Variants in NCAM2 observed in about 807,000 individuals in gnomAD.
The protein encoded by NCAM2 is N-CAM-2.
Under a neutral mutation model 98.1 loss-of-function variants are expected in NCAM2, and 30 were observed. The ratio of observed to expected loss-of-function variants is 0.31; its 90% confidence interval spans 0.23 to 0.41. NCAM2 has a LOEUF of 0.41. Among genes scored for constraint, NCAM2 ranks in the 10% least tolerant of loss-of-function variants. The pLI is 1.00. For missense variants in NCAM2, 867 were observed against 1,005.8 expected (o/e 0.86, Z 1.87); for synonymous variants, 368 against 342.4 (o/e 1.07, Z -0.83).
intron 8 of NCAM2, among the ~76,000 whole-genome samples, chr21:21,364,117 C>T (rs2075724758): frequency 1.3e-5 from 2 of 152,054 alleles, no homozygotes; most frequent in Non-Finnish European, 1.5e-5. Flanking sequence ...TTTTTAGCCA[C>T]TCATCTCTTA....
intron 5 of NCAM2, among the ~76,000 whole-genome samples, chr21:21,315,913 T>C (rs1327015253): frequency 1.3e-5 from 2 of 152,202 alleles, no homozygotes; most frequent in Non-Finnish European, 2.9e-5. Context: ...ATGTCTCGAA[T>C]TAATCCAGAA....
chr21:21,033,569 C>G (rs373501372), intron 1 of NCAM2, among the ~76,000 whole-genome samples: 2 of 151,980 alleles, frequency 1.3e-5, no homozygotes, highest in African/African-American at 2.4e-5. Flanking sequence ...GACCTCCCCC[C>G]CAAAACAATG....
intron 1 of NCAM2, among the ~76,000 whole-genome samples, chr21:21,240,796 ATTTAC>A (rs1187154868): frequency 6.6e-6 from 1 of 152,154 alleles, no homozygotes; most frequent in Non-Finnish European, 1.5e-5. Flanking sequence ...AATTTAGGCA[ATTTAC>A]TTACCTTCTG....
At chr21:21,225,458 G>T (rs888459311) in intron 1 of NCAM2, among the ~76,000 whole-genome samples, 1 of 151,958 alleles carries the variant, frequency 6.6e-6, no homozygotes, top group Non-Finnish European at 1.5e-5. Flanking sequence ...TTTTGAAGGT[G>T]ATGAAATTTA....
intron 10 of NCAM2, among the ~76,000 whole-genome samples, 153 bp from the exon 11 acceptor site, chr21:21,418,320 G>C (rs1031742578): frequency 6.6e-5 from 10 of 151,950 alleles, no homozygotes; most frequent in African/African-American, 2.4e-4. Context: ...ATATTATTTA[G>C]TAATGCTTAC....
At chr21:21,401,016 G>GA (rs1012094749) in intron 9 of NCAM2, among the ~76,000 whole-genome samples, 2 of 151,822 alleles carry the variant, frequency 1.3e-5, no homozygotes, top group Admixed American at 6.6e-5. Flanking sequence ...TTAAAGAAAA[G>GA]AAAAAAAGGC....
intron 2 of NCAM2, among the ~76,000 whole-genome samples, chr21:21,283,276 G>T (rs2072990148): frequency 3.3e-5 from 5 of 151,884 alleles, no homozygotes; most frequent in Admixed American, 2.6e-4. Context: ...CTTCAAAGAG[G>T]TCCTGCAGAT....
intron 5 of NCAM2, among the ~76,000 whole-genome samples, chr21:21,312,917 G>A (rs192876504): frequency 2.6e-3 from 399 of 151,500 alleles, no homozygotes; most frequent in African/African-American, 9.0e-3. Flanking sequence ...AATAATTATA[G>A]GATTGTTTTT....
Position 21,057,985 on chromosome 21 carries a change from C to G in NCAM2, c.55+59367C>G, listed in dbSNP as rs116844215. 4.8e-3 allele frequency among the ~76,000 whole-genome samples: 724 copies of G among 152,124 alleles called. 4 individuals carry two copies. Among genetic ancestry groups the G allele is most frequent in the Non-Finnish European group, 7.8e-3 (529 of 67,972 alleles). On this transcript the variant is annotated intron_variant, in intron 1 of 17. Coordinates refer to ENST00000400546, the MANE Select transcript of NCAM2 (RefSeq NM_004540.5). ...TATGATGATGTCTCCGAAGAATTTC[C>G]TGCTCCCAATGAAAATGACTTCTAT... is the stretch of plus-strand genomic sequence containing the variant.
chr21:21,005,023 A>T (rs186479916), intron 1 of NCAM2, among the ~76,000 whole-genome samples: 11 of 152,336 alleles, frequency 7.2e-5, no homozygotes, highest in Admixed American at 3.3e-4. Context: ...TTGAGAGAAT[A>T]GAAATAATCC....
intron 6 of NCAM2, among the ~76,000 whole-genome samples, chr21:21,333,862 A>G (rs552508423): frequency 6.6e-6 from 1 of 152,164 alleles, no homozygotes; most frequent in Non-Finnish European, 1.5e-5. Flanking sequence ...ATTAAATTCT[A>G]GATAAAAACT....
intron 1 of NCAM2, among the ~76,000 whole-genome samples, chr21:21,274,467 T>TG (rs1405935297): frequency 6.6e-6 from 1 of 152,184 alleles, no homozygotes; most frequent in Non-Finnish European, 1.5e-5. Context: ...TATTGTAGCA[T>TG]TTTTCAGAAT....
chr21:21,214,802 TATATATGTGTATC>T (rs1334700784), intron 1 of NCAM2, among the ~76,000 whole-genome samples: 1 of 145,844 alleles, frequency 6.9e-6, no homozygotes, highest in African/African-American at 2.5e-5. Context: ...TACATATAGG[TATATATGTGTATC>T]GAATATATGT....
intron 1 of NCAM2, among the ~76,000 whole-genome samples, chr21:21,039,042 C>T (rs974022981): frequency 1.3e-5 from 2 of 152,024 alleles, no homozygotes; most frequent in Non-Finnish European, 2.9e-5. Context: ...ATTAATAATC[C>T]CCATAAAGAA....
intron 1 of NCAM2, among the ~76,000 whole-genome samples, chr21:21,243,522 G>A (rs1601745502): frequency 6.6e-6 from 1 of 152,126 alleles, no homozygotes; most frequent in Admixed American, 6.5e-5. Flanking sequence ...AAGAGATGTC[G>A]AGAAGGAAGC....
intron 1 of NCAM2, among the ~76,000 whole-genome samples, chr21:21,152,863 G>A (rs114253290): frequency 0.013 from 2,019 of 151,926 alleles, 60 homozygotes; most frequent in African/African-American, 0.047. Context: ...CTTCTATGTA[G>A]CCTCCTGTTC....
intron 1 of NCAM2, among the ~76,000 whole-genome samples, chr21:21,221,039 G>T: frequency 6.6e-6 from 1 of 152,142 alleles, no homozygotes; most frequent in African/African-American, 2.4e-5. Context: ...TTACAATATT[G>T]CAAACTTTCT....
chr21:21,414,626 C>T lies in NCAM2; in HGVS notation c.1384-3847C>T, dbSNP rs539667707. ...CTGGGATTACAGGTGCCTGCCACCA[C>T]GCCCGGCTATTTTTTTGTATTTTTA... On this transcript the variant is annotated intron_variant, in intron 10 of 17. Transcript: ENST00000400546. Among the ~76,000 whole-genome samples the T allele has an allele frequency of 9.2e-5, 14 of 152,086 alleles. No individual in the cohort carries two copies. The East Asian group carries it at 2.3e-3, about 25-fold the overall frequency.
chr21:21,414,763 C>G (rs1021687865), intron 10 of NCAM2, among the ~76,000 whole-genome samples: 1 of 152,108 alleles, frequency 6.6e-6, no homozygotes, highest in Non-Finnish European at 1.5e-5. Flanking sequence ...GCCACCGCGC[C>G]CGGCCACAAA....
Sources: gnomAD v4.1 joint callset for allele counts (sites outside exome capture counted in the v4.1 genomes callset) on GRCh38, gnomAD v4.1.1 for gene constraint, MANE v1.5 for transcripts, NCBI Gene and HGNC (gene_info 2026-07-23, HGNC 2026-07-21) for gene names.